KRT10: variants seen among roughly 807,000 people sequenced by gnomAD.
KRT10 encodes the protein keratin, type I cytoskeletal 10.
KRT10 carries 40 observed loss-of-function variants against 59.2 expected under a neutral mutation model. The observed-to-expected ratio is 0.68, with a 90% CI of 0.52 to 0.88. The LOEUF is 0.88. Ranked by LOEUF, KRT10 falls within the 40% of genes least tolerant of loss-of-function variation. The pLI, the probability that KRT10 is intolerant of heterozygous loss-of-function variation, is 0.00. For synonymous variants in KRT10, 336 were observed against 310.7 expected (o/e 1.08, Z -0.86); for missense variants, 719 against 749.1 (o/e 0.96, Z 0.47).
chr17:40,821,363 T>C (rs1397223691), intron 1 of KRT10, among the ~76,000 whole-genome samples: 1 of 152,250 alleles, frequency 6.6e-6, no homozygotes, highest in Non-Finnish European at 1.5e-5. Context: ...ACTGGAATTA[T>C]ATAGATGTAT....
chr17:40,819,944 CT>C (rs1422389972), intron 5 of KRT10, 104 bp downstream of exon 5: 3 of 1,422,708 alleles, frequency 2.1e-6, no homozygotes, highest in Non-Finnish European at 3.0e-6. Flanking sequence ...TTTGTTTTCT[CT>C]TTCTTACCTC....
chr17:40,818,962 T>A lies in KRT10; in HGVS notation c.1573A>T (p.Ser525Cys). The A allele has an allele frequency of 7.6e-7, 1 of 1,323,700 alleles. No individual in the cohort carries two copies. The highest frequency in any genetic ancestry group is 2.6e-4 in the Middle Eastern group (1 of 3,834). The allele number at this position is 1,323,700 out of a possible 1,614,324, so 82.0% of individuals were successfully genotyped here. Reference sequence around the variant, plus strand: ...CCACCACCGTAGCCGCCGCTGGAACTGCCGCCGTGGCCGCCGCTGGAGCTT... The same window carrying A: ...CCACCACCGTAGCCGCCGCTGGAACAGCCGCCGTGGCCGCCGCTGGAGCTT... The part of the protein sequence containing the change: ...GGSSSGGHGG[S>C]SSGGYGGGSS... Residue 525 changes from serine to cysteine, a missense_variant, in exon 7 of 8, where the codon AGT (serine) becomes TGT (cysteine). Coordinates refer to ENST00000269576, the MANE Select transcript of KRT10 (RefSeq NM_000421.5).
Position 40,820,105 on chromosome 17 carries a change from C to T in KRT10, c.1099G>A (p.Glu367Lys). The change falls in exon 5 of 8, where the codon GAA (glutamate) becomes AAA (lysine). Residue 367 changes from glutamate to lysine, a missense_variant. By Grantham distance (56) the Glu-to-Lys change is moderately conservative (BLOSUM62 1). Transcript: ENST00000269576. The stretch of plus-strand genomic sequence containing the variant: ...AGAGCTTGTACATTACGTCTCAATT[C>T]AGTAATCTCAGATTTATAGCTGGAT... ...QISSYKSEIT[E>K]LRRNVQALEI... 6.2e-7 allele frequency: 1 copy of T among 1,613,624 alleles called. No individual in the cohort carries two copies. Among genetic ancestry groups the T allele is most frequent in the Non-Finnish European group, 8.5e-7 (1 of 1,179,762 alleles).
intron 2 of KRT10, 96 bp from the exon 3 acceptor site, chr17:40,820,763 A>G (rs774988173): frequency 7.7e-7 from 1 of 1,302,670 alleles, no homozygotes; most frequent in Non-Finnish European, 1.1e-6. Flanking sequence ...AGTTGATCTC[A>G]TGTAATGGCA....
At chr17:40,819,253 C>T in intron 6 of KRT10, 92 bp from the exon 7 acceptor site, 1 of 1,575,322 alleles carries the variant, frequency 6.3e-7, no homozygotes, top group Non-Finnish European at 8.5e-7. Flanking sequence ...ATAAGCAAAA[C>T]GTGTTGAAAA....
chr17:40,819,205 A>G, intron 6 of KRT10, 44 bp from the exon 7 acceptor site: 1 of 1,594,658 alleles, frequency 6.3e-7, no homozygotes, highest in Non-Finnish European at 8.5e-7. Flanking sequence ...AACGTTGGAA[A>G]ACGGTGGGTA....
In KRT10 at chr17:40,820,743, G is replaced by T. The variant is rs569617063; in HGVS notation, c.711-76C>A. On this transcript the variant is annotated intron_variant, in intron 2 of 7. Transcript: ENST00000269576. ...TATCTGGGCAGAGACTATTTAAAAA[G>T]CAGCTACATAGTTGATCTCATGTAA... 2.0e-6 allele frequency: 3 copies of T among 1,508,722 alleles called. No individual in the cohort carries two copies. The South Asian group carries it at 3.4e-5, about 17-fold the overall frequency. 93.5% of individuals were successfully genotyped at this position (1,508,722 alleles called of 1,614,324 possible). A position where few individuals can be genotyped will look rare whatever the true frequency, so the allele number is the denominator to read the frequency against.
rs1217874135 is a variant in KRT10 at position 40,819,151 on chromosome 17, C to G, written c.1384G>C (p.Gly462Arg). ...LLEGEGSSGG[G>R]GRGGGSFGGG... Reference sequence around the variant, plus strand: ...CCGAAACTTCCGCCGCCGCGTCCGCCGCCTCCGGAACTAAACGGGGTGAGG... The same window carrying G: ...CCGAAACTTCCGCCGCCGCGTCCGCGGCCTCCGGAACTAAACGGGGTGAGG... The change falls in exon 7 of 8, where the codon GGC (glycine) becomes CGC (arginine). Residue 462 changes from glycine (G) to arginine (R), a missense_variant. Coordinates refer to ENST00000269576, the MANE Select transcript of KRT10 (RefSeq NM_000421.5). 1 of 1,544,702 alleles carries G rather than the reference C, an allele frequency of 6.5e-7. No individual in the cohort carries two copies. The highest frequency in any genetic ancestry group is 1.4e-5 in the African/African-American group (1 of 70,430).
intron 1 of KRT10, among the ~76,000 whole-genome samples, chr17:40,821,475 C>G (rs1373044109): frequency 1.3e-5 from 2 of 152,116 alleles, no homozygotes; most frequent in African/African-American, 4.8e-5. Context: ...ATGATAAATA[C>G]TAATAAATAA....
rs1132256 is a variant in KRT10, at chr17:40,822,112, A to G, written c.474T>C (p.Ala158=). Residue 158 remains alanine, a synonymous_variant, in exon 1 of 8, where the codon GCT becomes GCC. Coordinates refer to ENST00000269576, the MANE Select transcript of KRT10 (RefSeq NM_000421.5). ...GAGCCCGAACTTTGTCCAAGTAGGAAGCCAGGCGGTCATTCAGATTCTGCA... is the reference window on the plus strand; with the variant it reads ...GAGCCCGAACTTTGTCCAAGTAGGAGGCCAGGCGGTCATTCAGATTCTGCA... ...VTMQNLNDRL[A]SYLDKVRALE... is the part of the protein sequence containing the mutation. The G allele has an allele frequency of 1.2e-6, 2 of 1,614,096 alleles. No individual in the cohort carries two copies. The highest frequency in any genetic ancestry group is 2.2e-5 in the South Asian group (2 of 91,070).
chr17:40,818,899 T>TGCA lies in KRT10; in HGVS notation c.1635_1636insTGC (p.Gly545_Ser546insCys), dbSNP rs1905183354. On this transcript the variant is annotated inframe_insertion, in exon 7 of 8. Coordinates refer to ENST00000269576, the MANE Select transcript of KRT10 (RefSeq NM_000421.5). Reference sequence around the variant, plus strand: ...CCGGAGCTGCTGCCGCCGCCGGAGCTGCCGCCCCCGTAGCCGCCGCCGCCG... The same window carrying TGCA: ...CCGGAGCTGCTGCCGCCGCCGGAGCTGCAGCCGCCCCCGTAGCCGCCGCCGCCG... 1 of 1,266,228 alleles carries TGCA rather than the reference T, an allele frequency of 7.9e-7. No homozygotes were observed. Among genetic ancestry groups the TGCA allele is most frequent in the Non-Finnish European group, 1.0e-6 (1 of 997,328 alleles). The allele number at this position is 1,266,228 out of a possible 1,614,324, so 78.4% of individuals were successfully genotyped here. A position where few individuals can be genotyped will look rare whatever the true frequency, so the allele number is the denominator to read the frequency against.
In KRT10 at chr17:40,820,440, A is replaced by G; in HGVS notation, c.868-17T>C. The G allele has an allele frequency of 6.2e-7, 1 of 1,614,202 alleles. No homozygotes were observed. Among genetic ancestry groups the G allele is most frequent in the Non-Finnish European group, 8.5e-7 (1 of 1,180,026 alleles). ...TTTCATTTCCTGTTTGAGGAACAGA[A>G]AGATTTATTGGCTACACGAGGACCA... On this transcript the variant is annotated splice_polypyrimidine_tract_variant and intron_variant, in intron 3 of 7. Coordinates refer to ENST00000269576, the MANE Select transcript of KRT10 (RefSeq NM_000421.5).
At position 40,822,298 on chromosome 17, in the gene KRT10, C is replaced by T; in HGVS notation, c.288G>A (p.Gly96=). Residue 96 remains glycine (G), a synonymous_variant, in exon 1 of 8, where the codon GGG becomes GGA. Coordinates refer to ENST00000269576, the MANE Select transcript of KRT10 (RefSeq NM_000421.5). ...CCCCTCCAAAGATGCCTCCATAACT[C>T]CCACCAAAGCTGCTACTTCCATAGC... ...RGSYGSSSFG[G]SYGGIFGGGS... 1 of 1,597,414 alleles carries T rather than the reference C, an allele frequency of 6.3e-7. No individual in the cohort carries two copies. Among genetic ancestry groups the T allele is most frequent in the Non-Finnish European group, 8.5e-7 (1 of 1,170,296 alleles).
chr17:40,819,953 C>T lies in KRT10; in HGVS notation c.1155+96G>A, dbSNP rs139270955. On this transcript the variant is annotated intron_variant, in intron 5 of 7. Coordinates refer to ENST00000269576, the MANE Select transcript of KRT10 (RefSeq NM_000421.5). ...CTTCACTTTGTTTTCTCTTTCTTACCTCCAACTCTGCATTTTTTTGTTGCA... is the reference window on the plus strand; with the variant it reads ...CTTCACTTTGTTTTCTCTTTCTTACTTCCAACTCTGCATTTTTTTGTTGCA... 5.5e-4 allele frequency: 806 copies of T among 1,461,196 alleles called. 8 individuals are homozygous for T. In the African/African-American group the frequency reaches 9.0e-3, roughly 16 times the overall value. 90.5% of individuals were successfully genotyped at this position (1,461,196 alleles called of 1,614,324 possible). A position where few individuals can be genotyped will look rare whatever the true frequency, so the allele number is the denominator to read the frequency against.
At chr17:40,819,392 T>A in intron 6 of KRT10, 125 bp downstream of exon 6, 1 of 1,279,654 alleles carries the variant, frequency 7.8e-7, no homozygotes, top group Non-Finnish European at 1.1e-6. Flanking sequence ...TACTCCTTTT[T>A]CTGTACTCTA....
chr17:40,819,024 G>GAGCTTCCGCCTCCGT lies in KRT10; in HGVS notation c.1496_1510dup (p.Tyr499_Ser503dup), dbSNP rs1905205005. The GAGCTTCCGCCTCCGT allele has an allele frequency of 1.5e-6, 2 of 1,338,372 alleles. No homozygotes were observed. Among genetic ancestry groups the GAGCTTCCGCCTCCGT allele is most frequent in the African/African-American group, 1.7e-5 (1 of 59,764 alleles). 82.9% of individuals were successfully genotyped at this position (1,338,372 alleles called of 1,614,324 possible). ...GCCGCCGCCGGAGCTTCCGCCGCCG[G>GAGCTTCCGCCTCCGT]AGCTTCCGCCTCCGTAGCCGCCGCC... is the stretch of plus-strand genomic sequence containing the variant. On this transcript the variant is annotated inframe_insertion, in exon 7 of 8. Transcript: ENST00000269576.
Position 40,822,323 on chromosome 17 carries a change from C to G in KRT10, c.263G>C (p.Ser88Thr). The G allele has an allele frequency of 3.8e-6, 6 of 1,596,862 alleles. No individual in the cohort carries two copies. Among genetic ancestry groups the G allele is most frequent in the Non-Finnish European group, 5.1e-6 (6 of 1,170,756 alleles). The change falls in exon 1 of 8, where the codon AGC (serine) becomes ACC (threonine). Residue 88 changes from serine (S) to threonine (T), a missense_variant. Physicochemically the swap from Ser to Thr is moderately conservative, Grantham distance 58. This residue lies in a region of KRT10 where 176 missense variants were observed against 175.7 expected (regional missense o/e 1.00). Coordinates refer to ENST00000269576, the MANE Select transcript of KRT10 (RefSeq NM_000421.5). ...CCCACCAAAGCTGCTACTTCCATAG[C>G]TTCCACGAAAGCTACCTCCACCAAA... ...GGFGGGSFRG[S>T]YGSSSFGGSY...
chr17:40,821,807 G>A (rs1905401464), intron 1 of KRT10, 152 bp downstream of exon 1: 11 of 800,196 alleles, frequency 1.4e-5, no homozygotes, highest in Non-Finnish European at 2.2e-5. Context: ...TAGTTTCACA[G>A]ATGTTTATCT....
In KRT10 at chr17:40,820,640, C is replaced by T. The variant is rs373213430; in HGVS notation, c.738G>A (p.Gln246=). The T allele has an allele frequency of 5.6e-6, 9 of 1,614,118 alleles. No homozygotes were observed. In the African/African-American group the frequency reaches 9.3e-5, roughly 17 times the overall value. ...GGCCGTTGATGTCAGCCTCCACGCT[C>T]TGGCGCAGAGCTACCTCATTCTCAT... is the stretch of plus-strand genomic sequence containing the variant. ...LKYENEVALR[Q]SVEADINGLR... is the part of the protein sequence containing the mutation. Residue 246 remains glutamine (Q), a synonymous_variant, in exon 3 of 8, where the codon CAG becomes CAA. Transcript: ENST00000269576.
Sources: allele counts gnomAD v4.1 joint callset (sites outside exome capture counted in the v4.1 genomes callset), GRCh38; gene constraint gnomAD v4.1.1; regional missense constraint gnomAD v4.1.1; transcripts MANE v1.5; gene names NCBI Gene and HGNC (gene_info 2026-07-23, HGNC 2026-07-21).